Variants in COLEC11 observed in about 807,000 individuals in gnomAD.
COLEC11 encodes collectin-11.
In COLEC11, 20 loss-of-function variants were observed where a neutral mutation model predicts 27.3. The observed-to-expected ratio is 0.73, with a 90% CI of 0.51 to 1.06. The LOEUF (loss-of-function observed/expected upper bound fraction) is 1.06, where lower values mean the gene tolerates loss of function less well. Among genes scored for constraint, COLEC11 ranks in the 50% least tolerant of loss-of-function variants. COLEC11 has a pLI of 0.00. For synonymous variants in COLEC11, 163 were observed against 154.7 expected, an observed-to-expected ratio of 1.05 and a Z score of -0.40; for missense variants, 310 against 383.0, an observed-to-expected ratio of 0.81 and a Z score of 1.59.
At chr2:3,617,292 A>G (rs557496830) in intron 3 of COLEC11, among the ~76,000 whole-genome samples, 1 of 152,308 alleles carries the variant, frequency 6.6e-6, no homozygotes, top group East Asian at 1.9e-4. Context: ...GTTTTATTCT[A>G]GATTTCACTG....
At chr2:3,612,860 G>A (rs1295532344) in intron 2 of COLEC11, among the ~76,000 whole-genome samples, 1 of 152,128 alleles carries the variant, frequency 6.6e-6, no homozygotes, top group African/African-American at 2.4e-5. Flanking sequence ...CACACTGATG[G>A]GGCCAGTGGG....
rs189173154 is a variant in COLEC11 at position 3,633,894 on chromosome 2, C to T, written c.203-3639C>T. Among the ~76,000 whole-genome samples the T allele has an allele frequency of 5.3e-5, 8 of 152,332 alleles. No homozygotes were observed. The East Asian group carries it at 1.5e-3, about 29-fold the overall frequency. ...GGAAGACACATGTTTCCTGCGCAGA[C>T]AGGGCCTGGGACAACACGAAACAGC... On this transcript the variant is annotated intron_variant, in intron 3 of 6. Coordinates refer to ENST00000349077, the MANE Select transcript of COLEC11 (RefSeq NM_024027.5).
At chr2:3,610,656 T>C (rs1018375041) in intron 2 of COLEC11, among the ~76,000 whole-genome samples, 2 of 152,142 alleles carry the variant, frequency 1.3e-5, no homozygotes, top group Non-Finnish European at 2.9e-5. Flanking sequence ...CCACCTGGCT[T>C]CCCGTCATCC....
chr2:3,598,289 G>A (rs1203256793), intron 1 of COLEC11, among the ~76,000 whole-genome samples: 1 of 152,186 alleles, frequency 6.6e-6, no homozygotes, highest in African/African-American at 2.4e-5. Flanking sequence ...AGTAACCCAC[G>A]TCTGCAGACT....
intron 2 of COLEC11, chr2:3,604,865 T>C (rs957736032): frequency 8.0e-6 from 3 of 372,900 alleles, no homozygotes; most frequent in Non-Finnish European, 1.6e-5. Flanking sequence ...GTTCCCAAAG[T>C]GTGCTTCTAC....
At chr2:3,611,864 T>C (rs1439526412) in intron 2 of COLEC11, among the ~76,000 whole-genome samples, 1 of 152,040 alleles carries the variant, frequency 6.6e-6, no homozygotes, top group Non-Finnish European at 1.5e-5. Context: ...AGACAAGGTG[T>C]GTGGGCCACA....
chr2:3,631,839 G>A (rs1665027629), intron 3 of COLEC11, among the ~76,000 whole-genome samples: 1 of 152,174 alleles, frequency 6.6e-6, no homozygotes, highest in Non-Finnish European at 1.5e-5. Context: ...GTAGGGCACT[G>A]CTTGTCCTCC....
At chr2:3,607,420 T>A (rs376896323) in intron 2 of COLEC11, among the ~76,000 whole-genome samples, 92 of 151,570 alleles carry the variant, frequency 6.1e-4, no homozygotes, top group African/African-American at 2.1e-3. Context: ...GTTCTTCTTA[T>A]AGGCTTTATC....
chr2:3,630,075 G>GT (rs550933316), intron 3 of COLEC11, among the ~76,000 whole-genome samples: 6,848 of 137,170 alleles, frequency 0.05, 224 homozygotes, highest in Non-Finnish European at 0.078. Flanking sequence ...TTGCATATCT[G>GT]TTAATATGTG....
intron 2 of COLEC11, among the ~76,000 whole-genome samples, chr2:3,611,749 C>G (rs1663211631): frequency 6.6e-6 from 1 of 152,028 alleles, no homozygotes; most frequent in African/African-American, 2.4e-5. Context: ...CTGTGCTTTT[C>G]TCTTTGTTAC....
At chr2:3,631,968 G>A (rs908501566) in intron 3 of COLEC11, among the ~76,000 whole-genome samples, 5 of 152,202 alleles carry the variant, frequency 3.3e-5, no homozygotes, top group Admixed American at 6.5e-5. Flanking sequence ...AGTCTCACAG[G>A]CTGGGGCCTA....
Position 3,637,733 on chromosome 2 carries a change from A to G in COLEC11, c.274+129A>G, listed in dbSNP as rs1383522283. 4.9e-6 allele frequency: 4 copies of G among 810,816 alleles called. No homozygotes were observed. In the African/African-American group the frequency reaches 5.1e-5, roughly 10 times the overall value. 50.2% of individuals were successfully genotyped at this position (810,816 alleles called of 1,614,324 possible). On this transcript the variant is annotated intron_variant, in intron 4 of 6. Transcript: ENST00000349077. Reference sequence around the variant, plus strand: ...TATTTATATTCGGTGCATGGTAGATAAGAAATCTACTGCAGTACTTCCATT... The same window carrying G: ...TATTTATATTCGGTGCATGGTAGATGAGAAATCTACTGCAGTACTTCCATT...
At chr2:3,598,646 C>A (rs997760675) in intron 1 of COLEC11, among the ~76,000 whole-genome samples, 2 of 151,390 alleles carry the variant, frequency 1.3e-5, no homozygotes, top group East Asian at 3.9e-4. Context: ...TCCGCGTGAG[C>A]ACAGGGGAGA....
At chr2:3,605,953 A>G in intron 2 of COLEC11, 1 of 1,061,504 alleles carries the variant, frequency 9.4e-7, no homozygotes, top group Non-Finnish European at 1.3e-6. Context: ...AGACAAGCCC[A>G]GTGGCCTTTG....
At chr2:3,613,067 G>C (rs892495878) in intron 2 of COLEC11, among the ~76,000 whole-genome samples, 1 of 152,210 alleles carries the variant, frequency 6.6e-6, no homozygotes, top group Non-Finnish European at 1.5e-5. Flanking sequence ...GGTAACTGGT[G>C]AGAGAAACAC....
At chr2:3,627,894 T>A (rs1339801525) in intron 3 of COLEC11, among the ~76,000 whole-genome samples, 1 of 152,212 alleles carries the variant, frequency 6.6e-6, no homozygotes, top group Non-Finnish European at 1.5e-5. Context: ...AAGGGGCTCC[T>A]GAAGGGGAGG....
chr2:3,618,515 T>A (rs1482453158), intron 3 of COLEC11, among the ~76,000 whole-genome samples: 2 of 152,234 alleles, frequency 1.3e-5, no homozygotes, highest in South Asian at 2.1e-4. Context: ...TCTTCTCTGC[T>A]CTATTGTCTA....
At chr2:3,617,240 T>G (rs1194249093) in intron 3 of COLEC11, among the ~76,000 whole-genome samples, 2 of 152,220 alleles carry the variant, frequency 1.3e-5, no homozygotes, top group Non-Finnish European at 1.5e-5. Flanking sequence ...GGCTCTCTGA[T>G]TAAACTGCAT....
chr2:3,615,736 C>T (rs1220694280), intron 3 of COLEC11, among the ~76,000 whole-genome samples: 1 of 148,176 alleles, frequency 6.7e-6, no homozygotes, highest in Non-Finnish European at 1.5e-5. Flanking sequence ...CGCCCCCCAC[C>T]TCGCGGACAG....
Sources: allele counts gnomAD v4.1 joint callset (sites outside exome capture counted in the v4.1 genomes callset), GRCh38; gene constraint gnomAD v4.1.1; transcripts MANE v1.5; gene names NCBI Gene and HGNC (gene_info 2026-07-23, HGNC 2026-07-21).